LRCH1: variants seen among roughly 807,000 people sequenced by gnomAD.
LRCH1 encodes the protein leucine-rich repeat and calponin homology domain-containing protein 1.
Under a neutral mutation model 94.9 loss-of-function variants are expected in LRCH1, and 23 were observed. That is an observed-to-expected ratio of 0.24 (90% CI 0.17 to 0.34). The LOEUF (loss-of-function observed/expected upper bound fraction) is 0.34. LRCH1 is among the 10% of genes least tolerant of loss of function. The pLI, the probability that LRCH1 is intolerant of heterozygous loss-of-function variation, is 1.00. For synonymous variants in LRCH1, 364 were observed against 354.9 expected (o/e 1.03, Z -0.29); for missense variants, 790 against 945.9 (o/e 0.84, Z 2.16).
chr13:46,677,288 G>A (rs1363199735), intron 3 of LRCH1, among the ~76,000 whole-genome samples: 2 of 147,084 alleles, frequency 1.4e-5, no homozygotes, highest in African/African-American at 2.5e-5. Context: ...AGTTAGCCAT[G>A]TGTGGTGGCA....
intron 8 of LRCH1, 21 bp from the exon 9 acceptor site, chr13:46,694,870 ATC>A (rs1320710135): frequency 1.2e-6 from 2 of 1,613,236 alleles, no homozygotes; most frequent in Non-Finnish European, 1.7e-6. Context: ...CATGCTTTCC[ATC>A]TCTCTATATT....
In LRCH1 at chr13:46,615,868, C is replaced by T. The variant is rs2050801928; in HGVS notation, c.308-34333C>T. On this transcript the variant is annotated intron_variant, in intron 1 of 19. Transcript: ENST00000389797. ...GAAAGATTTCCCAGGAAGCATTATG[C>T]TTTGAGTGTTGGGGAAGAGAAGCCA... Among the ~76,000 whole-genome samples the T allele has an allele frequency of 2.0e-5, 3 of 152,130 alleles. No homozygotes were observed. The South Asian group carries it at 6.2e-4, about 32-fold the overall frequency.
chr13:46,683,422 A>C (rs948499733), intron 4 of LRCH1, among the ~76,000 whole-genome samples: 1 of 152,200 alleles, frequency 6.6e-6, no homozygotes, highest in Non-Finnish European at 1.5e-5. Context: ...AAAAATATTG[A>C]TTGATTTTTC....
chr13:46,688,121 T>A, intron 6 of LRCH1, 142 bp downstream of exon 6: 1 of 744,018 alleles, frequency 1.3e-6, no homozygotes, highest in Non-Finnish European at 2.0e-6. Context: ...TTTGGTTTAA[T>A]CACCTAATTT....
chr13:46,594,941 A>G (rs1479107117), intron 1 of LRCH1, among the ~76,000 whole-genome samples: 2 of 152,164 alleles, frequency 1.3e-5, no homozygotes, highest in African/African-American at 4.8e-5. Flanking sequence ...GGCTATATAA[A>G]GAAAGTCTCA....
intron 1 of LRCH1, among the ~76,000 whole-genome samples, chr13:46,590,759 G>A (rs143144558): frequency 1.1e-4 from 16 of 152,312 alleles, no homozygotes; most frequent in African/African-American, 3.1e-4. Context: ...GTCTATGCTT[G>A]GCAGGCAGAT....
intron 1 of LRCH1, among the ~76,000 whole-genome samples, chr13:46,582,938 A>G (rs554221127): frequency 2.5e-4 from 38 of 152,118 alleles, no homozygotes; most frequent in African/African-American, 8.7e-4. Flanking sequence ...CTCAGTAAGA[A>G]AACAAATGGC....
At chr13:46,610,891 AGT>A (rs2050740993) in intron 1 of LRCH1, among the ~76,000 whole-genome samples, 1 of 152,322 alleles carries the variant, frequency 6.6e-6, no homozygotes, top group African/African-American at 2.4e-5. Flanking sequence ...CATTTATAAG[AGT>A]GACTGGAAAT....
intron 16 of LRCH1, among the ~76,000 whole-genome samples, chr13:46,723,008 C>G (rs150907126): frequency 2.0e-5 from 3 of 152,298 alleles, no homozygotes; most frequent in East Asian, 3.9e-4. Context: ...CTGAAAAATA[C>G]AGCTTGTTAG....
chr13:46,582,370 C>CTTTTTTTT (rs10686269), intron 1 of LRCH1, among the ~76,000 whole-genome samples: 12 of 79,578 alleles, frequency 1.5e-4, no homozygotes, highest in Non-Finnish European at 1.8e-4. Flanking sequence ...TTGCTCTCAT[C>CTTTTTTTT]TTTTTTTTTT....
intron 1 of LRCH1, among the ~76,000 whole-genome samples, chr13:46,604,509 A>G (rs573689184): frequency 9.8e-5 from 15 of 152,312 alleles, no homozygotes; most frequent in African/African-American, 3.6e-4. Flanking sequence ...TTACTTAATG[A>G]TAGTGTTATT....
intron 7 of LRCH1, among the ~76,000 whole-genome samples, chr13:46,691,254 C>T (rs1566228968): frequency 6.6e-6 from 1 of 152,180 alleles, no homozygotes; most frequent in Non-Finnish European, 1.5e-5. Context: ...CTCCATATTT[C>T]AGAATCATAG....
At chr13:46,668,290 C>A (rs1051453340) in intron 2 of LRCH1, among the ~76,000 whole-genome samples, 1 of 152,050 alleles carries the variant, frequency 6.6e-6, no homozygotes, top group Non-Finnish European at 1.5e-5. Flanking sequence ...TGGGTAGAGA[C>A]CCTCTTCTTG....
chr13:46,716,282 C>T lies in LRCH1; in HGVS notation c.1759+618C>T, dbSNP rs145057384. ...AGAATCAAATGTGTAAATAAAAAAT[C>T]GAGGACACTCAGCTAGAGTTCATGT... is the stretch of plus-strand genomic sequence containing the variant. On this transcript the variant is annotated intron_variant, in intron 16 of 19. Coordinates refer to ENST00000389797, the MANE Select transcript of LRCH1 (RefSeq NM_001164211.2). Among the ~76,000 whole-genome samples, 1,269 of 152,092 alleles carry T rather than the reference C, an allele frequency of 8.3e-3. 15 individuals are homozygous for T. The highest frequency in any genetic ancestry group is 9.6e-3 in the Non-Finnish European group (650 of 67,980).
At chr13:46,674,363 C>G (rs1238775415) in intron 3 of LRCH1, among the ~76,000 whole-genome samples, 1 of 152,168 alleles carries the variant, frequency 6.6e-6, no homozygotes, top group Non-Finnish European at 1.5e-5. Flanking sequence ...TGTTCCCCCT[C>G]CCATGAGGAA....
At position 46,744,150 on chromosome 13, in the gene LRCH1, A is replaced by C; in HGVS notation, c.*2302A>C. ...CTCCAAGGTACCCGTGCACCAGCCC[A>C]TATGCTAACTGGATGCCTGCGGATG... On this transcript the variant is annotated 3_prime_UTR_variant, in exon 20 of 20. Transcript: ENST00000389797. 1 of 985,418 alleles carries C rather than the reference A, an allele frequency of 1.0e-6. No individual in the cohort carries two copies. The highest frequency in any genetic ancestry group is 1.2e-6 in the Non-Finnish European group (1 of 829,930). 61.0% of individuals were successfully genotyped at this position (985,418 alleles called of 1,614,324 possible). A position where few individuals can be genotyped will look rare whatever the true frequency, so the allele number is the denominator to read the frequency against.
chr13:46,701,972 G>C (rs1871501169), intron 11 of LRCH1, among the ~76,000 whole-genome samples: 1 of 152,222 alleles, frequency 6.6e-6, no homozygotes, highest in Non-Finnish European at 1.5e-5. Context: ...CCAGAATGCT[G>C]ATGAGAATAT....
At chr13:46,611,666 A>G (rs1471021388) in intron 1 of LRCH1, among the ~76,000 whole-genome samples, 1 of 152,256 alleles carries the variant, frequency 6.6e-6, no homozygotes, top group Non-Finnish European at 1.5e-5. Flanking sequence ...TGTAAAATAC[A>G]TGCTATATTT....
At chr13:46,592,317 A>G (rs906842581) in intron 1 of LRCH1, among the ~76,000 whole-genome samples, 1 of 152,184 alleles carries the variant, frequency 6.6e-6, no homozygotes, top group Non-Finnish European at 1.5e-5. Context: ...ATGGCCCCCA[A>G]AACTGTAAGG....
Sources: gnomAD v4.1 joint callset for allele counts (sites outside exome capture counted in the v4.1 genomes callset) on GRCh38, gnomAD v4.1.1 for gene constraint, MANE v1.5 for transcripts, NCBI Gene and HGNC (gene_info 2026-07-23, HGNC 2026-07-21) for gene names.